AK5: variants seen among roughly 807,000 people sequenced by gnomAD.
The protein encoded by AK5 is adenylate kinase isoenzyme 5.
Under a neutral mutation model 69.5 loss-of-function variants are expected in AK5, and 27 were observed. The ratio of observed to expected loss-of-function variants is 0.39; its 90% confidence interval spans 0.29 to 0.54. AK5 has a LOEUF of 0.54. AK5 is among the 20% of genes least tolerant of loss of function. The pLI, the probability that AK5 is intolerant of heterozygous loss-of-function variation, is 0.71. For synonymous variants in AK5, 260 were observed against 244.4 expected (o/e 1.06, Z -0.60); for missense variants, 531 against 700.4 (o/e 0.76, Z 2.73).
At chr1:77,348,691 C>T (rs1185360975) in intron 6 of AK5, among the ~76,000 whole-genome samples, 1 of 152,038 alleles carries the variant, frequency 6.6e-6, no homozygotes, top group South Asian at 2.1e-4. Flanking sequence ...ATACTAACAA[C>T]TTCCTATAAA....
At chr1:77,376,806 A>G (rs1273096351) in intron 6 of AK5, among the ~76,000 whole-genome samples, 2 of 152,000 alleles carry the variant, frequency 1.3e-5, no homozygotes, top group Non-Finnish European at 2.9e-5. Context: ...GCTGATCATC[A>G]TGGCTCCTTG....
chr1:77,437,052 C>T (rs1366817472), intron 8 of AK5, among the ~76,000 whole-genome samples: 1 of 152,112 alleles, frequency 6.6e-6, no homozygotes, highest in Non-Finnish European at 1.5e-5. Flanking sequence ...ATATATCTAA[C>T]AAAGATAAAT....
intron 10 of AK5, among the ~76,000 whole-genome samples, chr1:77,497,350 A>G (rs1429114038): frequency 2.0e-5 from 3 of 152,144 alleles, no homozygotes; most frequent in African/African-American, 7.2e-5. Flanking sequence ...CCTGAAGTCA[A>G]GCAAGACCAC....
At chr1:77,495,763 T>A (rs1256877793) in intron 10 of AK5, among the ~76,000 whole-genome samples, 2 of 151,890 alleles carry the variant, frequency 1.3e-5, no homozygotes, top group Non-Finnish European at 2.9e-5. Flanking sequence ...ATGGAGAAGC[T>A]CCCCTGTATA....
chr1:77,343,968 A>C (rs1661787990), intron 6 of AK5, among the ~76,000 whole-genome samples: 1 of 152,214 alleles, frequency 6.6e-6, no homozygotes, highest in African/African-American at 2.4e-5. Flanking sequence ...TTTTTCTTTA[A>C]AAGTGTCTAT....
intron 5 of AK5, among the ~76,000 whole-genome samples, chr1:77,330,330 A>C (rs925939468): frequency 1.3e-5 from 2 of 152,080 alleles, no homozygotes; most frequent in Non-Finnish European, 2.9e-5. Context: ...TATAGAAACT[A>C]TTTTCTTATG....
chr1:77,323,510 G>T (rs1026577011), intron 5 of AK5, among the ~76,000 whole-genome samples: 2 of 152,104 alleles, frequency 1.3e-5, no homozygotes, highest in African/African-American at 4.8e-5. Context: ...AAAAGTTTTA[G>T]GAATTCTTTA....
intron 6 of AK5, among the ~76,000 whole-genome samples, chr1:77,375,330 G>C (rs527436113): frequency 6.6e-5 from 10 of 152,298 alleles, no homozygotes; most frequent in African/African-American, 2.2e-4. Context: ...TGTTGAGGCA[G>C]GTGAACAATT....
chr1:77,518,842 A>G, intron 11 of AK5, 115 bp downstream of exon 11: 1 of 1,046,954 alleles, frequency 9.6e-7, no homozygotes, highest in South Asian at 1.7e-5. Flanking sequence ...CAATAGCTGT[A>G]TATTATTTCC....
chr1:77,511,313 G>A lies in AK5; in HGVS notation c.1148-7251G>A, dbSNP rs924235314. Among the ~76,000 whole-genome samples, 3 of 152,230 alleles carry A rather than the reference G, an allele frequency of 2.0e-5. No homozygotes were observed. In the East Asian group the frequency reaches 5.8e-4, roughly 29 times the overall value. On this transcript the variant is annotated intron_variant, in intron 10 of 13. Coordinates refer to ENST00000354567, the MANE Select transcript of AK5 (RefSeq NM_174858.3). ...AAATTTCATCTGGACAAAAAAGAGGGTATCAAGTTATCTGTAATATATGTA... is the reference window on the plus strand; with the variant it reads ...AAATTTCATCTGGACAAAAAAGAGGATATCAAGTTATCTGTAATATATGTA...
At chr1:77,382,709 T>C (rs1647735362) in intron 6 of AK5, among the ~76,000 whole-genome samples, 2 of 152,218 alleles carry the variant, frequency 1.3e-5, no homozygotes, top group South Asian at 4.1e-4. Flanking sequence ...TGTGGATTCT[T>C]GGGCAAGTCA....
At position 77,436,979 on chromosome 1, in the gene AK5, C is replaced by T. The variant is rs368081918; in HGVS notation, c.1059+19264C>T. ...ATCAAGGAATTACATAAACAAAGAT[C>T]GTTCTCTTTTTAGGATGGATTCATA... On this transcript the variant is annotated intron_variant, in intron 8 of 13. Coordinates refer to ENST00000354567, the MANE Select transcript of AK5 (RefSeq NM_174858.3). Among the ~76,000 whole-genome samples the T allele has an allele frequency of 1.4e-3, 218 of 152,148 alleles. 1 individual carries two copies. The highest frequency in any genetic ancestry group is 5.1e-3 in the African/African-American group (213 of 41,550).
At chr1:77,371,141 C>G (rs1014258803) in intron 6 of AK5, among the ~76,000 whole-genome samples, 2 of 152,146 alleles carry the variant, frequency 1.3e-5, no homozygotes, top group East Asian at 1.9e-4. Context: ...AGGCACATCC[C>G]CCTTGCAGTC....
chr1:77,412,800 C>A (rs1650130533), intron 7 of AK5, among the ~76,000 whole-genome samples: 1 of 152,144 alleles, frequency 6.6e-6, no homozygotes, highest in Non-Finnish European at 1.5e-5. Context: ...TGAATGGCAT[C>A]CAATTCTCTT....
rs1299657314 is a variant in AK5, at chr1:77,340,367, C to T, written c.700-10C>T. ...TTGAATGCCTCTCTATTTGTTGATG[C>T]TCTCCACAGATCTGTACCCCCGATT... On this transcript the variant is annotated splice_polypyrimidine_tract_variant and intron_variant, in intron 5 of 13. Transcript: ENST00000354567. The T allele has an allele frequency of 6.2e-6, 10 of 1,606,756 alleles. No homozygotes were observed. The highest frequency in any genetic ancestry group is 7.7e-6 in the Non-Finnish European group (9 of 1,175,216).
intron 10 of AK5, among the ~76,000 whole-genome samples, chr1:77,489,906 A>G (rs764802325): frequency 1.8e-4 from 28 of 152,078 alleles, no homozygotes; most frequent in Admixed American, 5.9e-4. Flanking sequence ...GCACTTTGCC[A>G]GCCCTTTCAC....
chr1:77,525,017 G>T (rs193245692), intron 12 of AK5, among the ~76,000 whole-genome samples: 2 of 151,982 alleles, frequency 1.3e-5, no homozygotes, highest in Non-Finnish European at 2.9e-5. Context: ...AGCAATTCTC[G>T]TGCCTCAGCC....
Position 77,445,723 on chromosome 1 carries a change from T to C in AK5, c.1059+28008T>C, listed in dbSNP as rs537571781. Among the ~76,000 whole-genome samples, 16 of 152,280 alleles carry C rather than the reference T, an allele frequency of 1.1e-4. No homozygotes were observed. The East Asian group carries it at 3.1e-3, about 29-fold the overall frequency. On this transcript the variant is annotated intron_variant, in intron 8 of 13. Coordinates refer to ENST00000354567, the MANE Select transcript of AK5 (RefSeq NM_174858.3). ...CCTCAGCCTCCTGAGTAGCTGGGAT[T>C]ACAGGCACCTGCCACCATACCCGGC...
intron 8 of AK5, among the ~76,000 whole-genome samples, chr1:77,444,996 TG>T: frequency 6.6e-6 from 1 of 152,280 alleles, no homozygotes; most frequent in East Asian, 1.9e-4. Context: ...TTGTGACAAA[TG>T]GCAGGATCTC....
Sources: gnomAD v4.1 joint callset for allele counts (sites outside exome capture counted in the v4.1 genomes callset) on GRCh38, gnomAD v4.1.1 for gene constraint, MANE v1.5 for transcripts, NCBI Gene and HGNC (gene_info 2026-07-23, HGNC 2026-07-21) for gene names.